The following SNX2 variants were observed in gnomAD, a reference collection of about 807,000 sequenced individuals.
The protein encoded by SNX2 is sorting nexin-2.
Under a neutral mutation model 69.9 loss-of-function variants are expected in SNX2, and 25 were observed. That is an observed-to-expected ratio of 0.36 (90% CI 0.26 to 0.50). The LOEUF is 0.50. Ranked by LOEUF, SNX2 falls within the 20% of genes least tolerant of loss-of-function variation. SNX2 has a pLI of 0.97. For missense variants in SNX2, 551 were observed against 613.3 expected, an observed-to-expected ratio of 0.90 and a Z score of 1.07; for synonymous variants, 229 against 200.4, an observed-to-expected ratio of 1.14 and a Z score of -1.20.
At chr5:122,807,763 A>T (rs993082399) in intron 6 of SNX2, among the ~76,000 whole-genome samples, 2 of 152,198 alleles carry the variant, frequency 1.3e-5, no homozygotes, top group African/African-American at 4.8e-5. Flanking sequence ...ACCAGCTGTG[A>T]TAAGTAAATA....
At chr5:122,793,993 G>A (rs528020900) in intron 1 of SNX2, among the ~76,000 whole-genome samples, 1 of 151,780 alleles carries the variant, frequency 6.6e-6, no homozygotes, top group African/African-American at 2.4e-5. Context: ...CACAATCTAG[G>A]TTTCATTGTG....
chr5:122,803,809 T>C, intron 6 of SNX2, 196 bp downstream of exon 6: 2 of 485,144 alleles, frequency 4.1e-6, no homozygotes, highest in Admixed American at 4.0e-5. Flanking sequence ...TTTCTAACAC[T>C]TGAGGATTTT....
chr5:122,833,979 G>A lies in SNX2; in HGVS notation c.*4331G>A, dbSNP rs1338422434. On this transcript the variant is annotated 3_prime_UTR_variant, in exon 15 of 15. Coordinates refer to ENST00000379516, the MANE Select transcript of SNX2 (RefSeq NM_003100.4). ...TGTAGTACTATATTGCTTGAAGGAAGTTTATAACCTGTCTAGAACAACTTT... is the reference window on the plus strand; with the variant it reads ...TGTAGTACTATATTGCTTGAAGGAAATTTATAACCTGTCTAGAACAACTTT... 6.6e-6 allele frequency: 1 copy of A among 152,182 alleles called. No homozygotes were observed. The highest frequency in any genetic ancestry group is 1.5e-5 in the Non-Finnish European group (1 of 68,018). The allele number at this position is 152,182 out of a possible 1,614,324, so 9.4% of individuals were successfully genotyped here.
rs183931427 is a variant in SNX2, at chr5:122,808,431, A to T, written c.722+76A>T. On this transcript the variant is annotated intron_variant, in intron 7 of 14. Transcript: ENST00000379516. Reference sequence around the variant, plus strand: ...AAATGTAATTCCATTATATGGCAAAACTGTGTTTTAATGATTAAATTTTTT... The same window carrying T: ...AAATGTAATTCCATTATATGGCAAATCTGTGTTTTAATGATTAAATTTTTT... 2.5e-4 allele frequency: 273 copies of T among 1,095,466 alleles called. No homozygotes were observed. The East Asian group carries it at 6.2e-3, about 25-fold the overall frequency. The allele number at this position is 1,095,466 out of a possible 1,614,324, so 67.9% of individuals were successfully genotyped here.
At chr5:122,799,599 T>C in intron 2 of SNX2, 93 bp from the exon 3 acceptor site, 5 of 746,140 alleles carry the variant, frequency 6.7e-6, no homozygotes, top group Non-Finnish European at 1.0e-5. Context: ...GTGGGTAATA[T>C]AAAAATATTT....
chr5:122,780,384 G>A (rs1752949791), intron 1 of SNX2, among the ~76,000 whole-genome samples: 1 of 152,150 alleles, frequency 6.6e-6, no homozygotes, highest in Non-Finnish European at 1.5e-5. Context: ...AAATAGTATA[G>A]AAGACTGGGG....
intron 5 of SNX2, 68 bp from the exon 6 acceptor site, chr5:122,803,404 G>A: frequency 6.9e-7 from 1 of 1,450,864 alleles, no homozygotes; most frequent in Non-Finnish European, 9.4e-7. Context: ...TCACAATTAT[G>A]TATAACATTA....
At chr5:122,818,314 CAAAG>C (rs1247405297) in intron 10 of SNX2, among the ~76,000 whole-genome samples, 3 of 151,982 alleles carry the variant, frequency 2.0e-5, no homozygotes, top group Non-Finnish European at 4.4e-5. Context: ...TGTTGTACAA[CAAAG>C]AAACTAACAG....
intron 1 of SNX2, chr5:122,775,677 G>C: frequency 6.1e-6 from 6 of 986,490 alleles, no homozygotes; most frequent in Non-Finnish European, 7.2e-6. Flanking sequence ...TGTGGGGAAC[G>C]AATGGGTGCA....
chr5:122,785,266 T>C (rs1272500514), intron 1 of SNX2, among the ~76,000 whole-genome samples: 1 of 151,752 alleles, frequency 6.6e-6, no homozygotes, highest in African/African-American at 2.4e-5. Context: ...TAATTTGCTC[T>C]TCTAGTTTTT....
At chr5:122,817,074 C>G in intron 9 of SNX2, 46 bp downstream of exon 9, 1 of 1,352,458 alleles carries the variant, frequency 7.4e-7, no homozygotes, top group African/African-American at 1.4e-5. Flanking sequence ...AATTAATGAG[C>G]CCAACAATTG....
chr5:122,813,796 C>T (rs1328561927), intron 7 of SNX2, among the ~76,000 whole-genome samples: 8 of 120,328 alleles, frequency 6.6e-5, no homozygotes, highest in African/African-American at 1.3e-4. Context: ...TTTTCTGAGA[C>T]GGAGTCTCGC....
intron 2 of SNX2, among the ~76,000 whole-genome samples, chr5:122,796,435 A>C (rs1753378712): frequency 6.6e-6 from 1 of 151,758 alleles, no homozygotes; most frequent in Non-Finnish European, 1.5e-5. Context: ...ATTATGTCAC[A>C]AAATTAAAAA....
chr5:122,801,956 T>C, intron 4 of SNX2, 21 bp downstream of exon 4: 2 of 1,567,578 alleles, frequency 1.3e-6, no homozygotes, highest in Non-Finnish European at 1.8e-6. Context: ...ACTTATTATA[T>C]TTTGTATTTA....
chr5:122,816,397 A>T (rs539739825), intron 8 of SNX2, among the ~76,000 whole-genome samples: 1 of 152,276 alleles, frequency 6.6e-6, no homozygotes, highest in African/African-American at 2.4e-5. Context: ...TCTAAACATG[A>T]TGCTCTTTTT....
At chr5:122,798,486 A>T (rs3776192) in intron 2 of SNX2, among the ~76,000 whole-genome samples, 61,135 of 151,942 alleles carry the variant, frequency 0.4, 12,852 homozygotes, top group African/African-American at 0.49. Flanking sequence ...TTTCAGGTAA[A>T]TATGCTATTA....
chr5:122,812,293 C>G (rs1243874153), intron 7 of SNX2, among the ~76,000 whole-genome samples: 2 of 152,190 alleles, frequency 1.3e-5, no homozygotes, highest in Non-Finnish European at 2.9e-5. Context: ...CACTCTGTTA[C>G]CCATTTGATC....
intron 2 of SNX2, among the ~76,000 whole-genome samples, chr5:122,797,297 A>G (rs1753402617): frequency 6.6e-6 from 1 of 152,234 alleles, no homozygotes; most frequent in South Asian, 2.1e-4. Flanking sequence ...AATATGGTGA[A>G]TATCAGTGTT....
intron 2 of SNX2, among the ~76,000 whole-genome samples, chr5:122,797,644 G>A (rs759112953): frequency 6.6e-6 from 1 of 152,118 alleles, no homozygotes; most frequent in African/African-American, 2.4e-5. Flanking sequence ...ACCTATACTC[G>A]ATTTGTCCCT....
Sources: gnomAD v4.1 joint callset for allele counts (sites outside exome capture counted in the v4.1 genomes callset) on GRCh38, gnomAD v4.1.1 for gene constraint, MANE v1.5 for transcripts, NCBI Gene and HGNC (gene_info 2026-07-23, HGNC 2026-07-21) for gene names.